The following NEK10 variants were observed in gnomAD, a reference collection of about 807,000 sequenced individuals.
The protein encoded by NEK10 is serine/threonine-protein kinase Nek10.
Under a neutral mutation model 159.8 loss-of-function variants are expected in NEK10, and 122 were observed. The ratio of observed to expected loss-of-function variants is 0.76; its 90% CI spans 0.66 to 0.89. The LOEUF is 0.89. Among genes scored for constraint, NEK10 ranks in the 40% least tolerant of loss-of-function variants. The pLI is 0.00. For missense variants in NEK10, 1,342 were observed against 1,323.1 expected, an observed-to-expected ratio of 1.01 and a Z score of -0.22; for synonymous variants, 466 against 457.1, an observed-to-expected ratio of 1.02 and a Z score of -0.25.
rs971359373 is a variant in NEK10, at chr3:27,174,682, T to C, written c.2657A>G (p.Asp886Gly). ...AGCATTTTCCAGGTTGAAGTTATCA[T>C]CTGACAGGATTTCGTCACAGGCCCT... ...EDRACDEILS[D>G]DNFNLENAEK... The change falls in exon 27 of 36, where the codon GAT (aspartate) becomes GGT (glycine). Residue 886 changes from aspartate to glycine, a missense_variant. Coordinates refer to ENST00000691995, the MANE Select transcript of NEK10 (RefSeq NM_001394966.1). 6.2e-7 allele frequency: 1 copy of C among 1,612,372 alleles called. No individual in the cohort carries two copies. Among genetic ancestry groups the C allele is most frequent in the Non-Finnish European group, 8.5e-7 (1 of 1,179,400 alleles).
chr3:27,255,699 C>A (rs78394680), intron 23 of NEK10, among the ~76,000 whole-genome samples: 9,148 of 152,102 alleles, frequency 0.06, 354 homozygotes, highest in Middle Eastern at 0.16. Flanking sequence ...CCAAAGTATG[C>A]CAAAGAATTT....
At chr3:27,350,946 G>C (rs2047926647) in intron 3 of NEK10, among the ~76,000 whole-genome samples, 1 of 152,108 alleles carries the variant, frequency 6.6e-6, no homozygotes, top group African/African-American at 2.4e-5. Context: ...GCAAAATCTG[G>C]CCAAGAACTC....
In NEK10 at chr3:27,176,606, C is replaced by T. The variant is rs183422584; in HGVS notation, c.2506-1773G>A. The stretch of plus-strand genomic sequence containing the variant: ...TTCTTCCATGCCTACCTCTTTTCTT[C>T]GTCCCAAACCACAAAACCCTTCTTC... On this transcript the variant is annotated intron_variant, in intron 26 of 35. Transcript: ENST00000691995. Among the ~76,000 whole-genome samples, 16 of 152,328 alleles carry T rather than the reference C, an allele frequency of 1.1e-4. No individual in the cohort carries two copies. In the East Asian group the frequency reaches 2.5e-3, roughly 24 times the overall value.
intron 16 of NEK10, 46 bp downstream of exon 16, chr3:27,293,542 T>G: frequency 2.0e-6 from 2 of 1,001,700 alleles, no homozygotes; most frequent in Non-Finnish European, 3.0e-6. Context: ...TTCAATCTAA[T>G]GATCTCCTAA....
rs11713063 is a variant in NEK10, at chr3:27,277,462, G to A, written c.2014+7140C>T. 4.1e-3 allele frequency among the ~76,000 whole-genome samples: 627 copies of A among 152,176 alleles called. 9 individuals carry two copies. In the South Asian group the frequency reaches 0.054, roughly 13 times the overall value. On this transcript the variant is annotated intron_variant, in intron 22 of 35. Transcript: ENST00000691995. ...ATTTTAATAATCCTTCTACCTCCCAGATCTGATCATATAATTTCTAGTCTG... is the reference window on the plus strand; with the variant it reads ...ATTTTAATAATCCTTCTACCTCCCAAATCTGATCATATAATTTCTAGTCTG...
intron 22 of NEK10, among the ~76,000 whole-genome samples, chr3:27,271,328 T>C (rs1040352207): frequency 2.6e-5 from 4 of 152,034 alleles, no homozygotes; most frequent in Non-Finnish European, 5.9e-5. Flanking sequence ...TCCCCTTTTA[T>C]GTACTGGAGA....
intron 23 of NEK10, among the ~76,000 whole-genome samples, chr3:27,207,247 T>C (rs567570188): frequency 1.1e-3 from 172 of 152,296 alleles, no homozygotes; most frequent in African/African-American, 4.1e-3. Flanking sequence ...TGATAATATT[T>C]GACAACTAAG....
At chr3:27,315,466 C>G (rs1345276799) in intron 6 of NEK10, among the ~76,000 whole-genome samples, 1 of 152,174 alleles carries the variant, frequency 6.6e-6, no homozygotes, top group Non-Finnish European at 1.5e-5. Context: ...AGTTCTATGA[C>G]TACCTACTAA....
intron 22 of NEK10, among the ~76,000 whole-genome samples, chr3:27,269,661 A>G (rs1300772235): frequency 1.3e-5 from 2 of 152,220 alleles, no homozygotes; most frequent in Admixed American, 6.5e-5. Flanking sequence ...AAAAGTTTAT[A>G]TGACTTGCTT....
intron 29 of NEK10, among the ~76,000 whole-genome samples, chr3:27,164,685 G>A (rs1413341143): frequency 1.3e-5 from 2 of 152,190 alleles, no homozygotes; most frequent in South Asian, 4.1e-4. Context: ...CCTTCCTTAA[G>A]TGTTGGTCAT....
chr3:27,250,945 G>A (rs3112817), intron 23 of NEK10, among the ~76,000 whole-genome samples: 1 of 152,038 alleles, frequency 6.6e-6, no homozygotes, highest in African/African-American at 2.4e-5. Flanking sequence ...TATATATGCA[G>A]AATATAATAT....
At chr3:27,265,738 T>A (rs11919194) in intron 22 of NEK10, 1 of 91,248 alleles carries the variant, frequency 1.1e-5, no homozygotes. Flanking sequence ...TTTCATTAGG[T>A]TATTTATTTT....
intron 23 of NEK10, among the ~76,000 whole-genome samples, chr3:27,254,100 C>T (rs750115386): frequency 3.3e-5 from 5 of 152,182 alleles, no homozygotes; most frequent in Non-Finnish European, 7.3e-5. Flanking sequence ...TCCTGTACAC[C>T]AAGCTAGTCC....
chr3:27,141,428 T>G (rs567266675), intron 31 of NEK10, 54 bp downstream of exon 31: 404 of 1,338,106 alleles, frequency 3.0e-4, no homozygotes, highest in Admixed American at 6.6e-4. Flanking sequence ...TCAGCAATAT[T>G]AGCACCAAAC....
At chr3:27,311,208 A>G (rs2044672020) in intron 8 of NEK10, 192 bp from the exon 9 acceptor site, 1 of 437,304 alleles carries the variant, frequency 2.3e-6, no homozygotes, top group East Asian at 3.6e-5. Flanking sequence ...CTCCACTGGT[A>G]TTTATTTTCT....
At chr3:27,326,372 C>G (rs1476626313) in intron 5 of NEK10, among the ~76,000 whole-genome samples, 1 of 152,088 alleles carries the variant, frequency 6.6e-6, no homozygotes, top group Non-Finnish European at 1.5e-5. Flanking sequence ...ATGTTGAATG[C>G]TAATTACTTT....
intron 23 of NEK10, among the ~76,000 whole-genome samples, chr3:27,232,278 C>A: frequency 6.6e-6 from 1 of 151,772 alleles, no homozygotes; most frequent in East Asian, 1.9e-4. Flanking sequence ...AATGACCAAG[C>A]TGAGAATCAA....
At chr3:27,245,994 T>C (rs1955017095) in intron 23 of NEK10, among the ~76,000 whole-genome samples, 1 of 152,130 alleles carries the variant, frequency 6.6e-6, no homozygotes, top group Admixed American at 6.6e-5. Context: ...ATGATTCACT[T>C]TTACTTGTAA....
At chr3:27,291,780 C>A (rs1575611433) in intron 16 of NEK10, among the ~76,000 whole-genome samples, 194 bp from the exon 17 acceptor site, 1 of 152,066 alleles carries the variant, frequency 6.6e-6, no homozygotes, top group Non-Finnish European at 1.5e-5. Flanking sequence ...GTAGCTGGGA[C>A]TACAGGTGCC....
Sources: gnomAD v4.1 joint callset for allele counts (sites outside exome capture counted in the v4.1 genomes callset) on GRCh38, gnomAD v4.1.1 for gene constraint, MANE v1.5 for transcripts, NCBI Gene and HGNC (gene_info 2026-07-23, HGNC 2026-07-21) for gene names.